Variants in GRM4 observed in about 807,000 individuals in gnomAD.
GRM4 encodes the protein glutamate metabotropic receptor 4.
Under a neutral mutation model 81.7 loss-of-function variants are expected in GRM4, and 28 were observed. That is an observed-to-expected ratio of 0.34 (90% confidence interval 0.25 to 0.47). The LOEUF is 0.47. Among genes scored for constraint, GRM4 ranks in the 20% least tolerant of loss-of-function variants. The probability of loss-of-function intolerance (pLI) is 1.00; values close to 1 mark genes in which losing one functional copy is unlikely to be tolerated. For missense variants in GRM4, 948 were observed against 1,290.0 expected, an observed-to-expected ratio of 0.73 and a Z score of 4.06; for synonymous variants, 488 against 528.8, an observed-to-expected ratio of 0.92 and a Z score of 1.06.
rs1764610816 is a variant in GRM4 at position 34,034,882 on chromosome 6, A to C, written c.2442+786T>G. On this transcript the variant is annotated intron_variant, in intron 9 of 10. Coordinates refer to ENST00000538487, the MANE Select transcript of GRM4 (RefSeq NM_000841.4). The surrounding 1 kb of genome is among the most constrained non-coding windows in gnomAD (Gnocchi z 4.0). ...TCCAGATAACACCCCCGAGTCACCC[A>C]GCCAGCACCAGGACTGGGATGTGGG... Among the ~76,000 whole-genome samples, 1 of 152,130 alleles carries C rather than the reference A, an allele frequency of 6.6e-6. No individual in the cohort carries two copies. Among genetic ancestry groups the C allele is most frequent in the African/African-American group, 2.4e-5 (1 of 41,380 alleles).
At chr6:34,112,323 CT>C (rs1769417218) in intron 2 of GRM4, among the ~76,000 whole-genome samples, 1 of 152,226 alleles carries the variant, frequency 6.6e-6, no homozygotes, top group Non-Finnish European at 1.5e-5. Flanking sequence ...CCATGCTGGG[CT>C]GGCGGCCATG....
At chr6:34,155,210 T>C (rs1356246554) in exon 1 of GRM4, 2 of 1,535,612 alleles carry the variant, frequency 1.3e-6, no homozygotes, top group Admixed American at 2.0e-5. Flanking sequence ...GAGGGGCCTC[T>C]TGTGCGCACC....
chr6:34,102,246 T>TA, intron 2 of GRM4: 1 of 1,130,008 alleles, frequency 8.8e-7, no homozygotes, highest in Non-Finnish European at 1.3e-6. Flanking sequence ...CAAGTGCTAA[T>TA]AAAATGCCCT....
chr6:34,030,186 C>T (rs1428201738), intron 9 of GRM4, among the ~76,000 whole-genome samples: 2 of 152,218 alleles, frequency 1.3e-5, no homozygotes, highest in East Asian at 1.9e-4. Flanking sequence ...CGTAGAGTCT[C>T]GGGCTAATGG....
intron 2 of GRM4, among the ~76,000 whole-genome samples, chr6:34,125,661 G>A (rs376719449): frequency 3.9e-5 from 6 of 152,192 alleles, no homozygotes; most frequent in Admixed American, 6.5e-5. Flanking sequence ...CAGTAGCCAC[G>A]GGGGCTCTGA....
At chr6:34,027,808 G>A (rs914040309) in intron 10 of GRM4, among the ~76,000 whole-genome samples, 13 of 152,228 alleles carry the variant, frequency 8.5e-5, no homozygotes, top group Admixed American at 5.2e-4. Flanking sequence ...GGCGCCCCCT[G>A]GTGGCCTGCC....
Position 34,040,619 on chromosome 6 carries a change from C to A in GRM4, c.1298G>T (p.Gly433Val). The change falls in exon 7 of 11, where the codon GGG (glycine) becomes GTG (valine). Residue 433 changes from glycine to valine, a missense_variant. Transcript: ENST00000538487. ...MHRDLCPGRV[G>V]LCPRMDPVDG... ...TACAGGGTCCATGCGCGGGCAGAGC[C>A]CCACGCGGCCGGGACACAGGTCACG... is the stretch of plus-strand genomic sequence containing the variant. 6.2e-7 allele frequency: 1 copy of A among 1,614,142 alleles called. No individual in the cohort carries two copies. The highest frequency in any genetic ancestry group is 1.7e-5 in the Admixed American group (1 of 60,018).
At chr6:34,040,371 T>G (rs1764945086) in intron 7 of GRM4, 57 bp from the exon 8 acceptor site, 1 of 1,590,120 alleles carries the variant, frequency 6.3e-7, no homozygotes, top group Non-Finnish European at 8.6e-7. Context: ...GGGCGGATGA[T>G]GAGCCTGGGG....
intron 6 of GRM4, among the ~76,000 whole-genome samples, chr6:34,046,882 C>G (rs1011189050): frequency 6.6e-6 from 1 of 152,162 alleles, no homozygotes; most frequent in Non-Finnish European, 1.5e-5. Flanking sequence ...CACAAATATA[C>G]ACCTACACCC....
At position 34,121,590 on chromosome 6, in the gene GRM4, G is replaced by A. The variant is rs1331498022; in HGVS notation, c.519+11388C>T. Among the ~76,000 whole-genome samples, 1 of 152,168 alleles carries A rather than the reference G, an allele frequency of 6.6e-6. No individual in the cohort carries two copies. The highest frequency in any genetic ancestry group is 1.5e-5 in the Non-Finnish European group (1 of 68,032). ...TCCCTCTTCGCCCTGGAGGTGGCTGGAGACCAGGAGCAGGCAGCACCTTCG... is the reference window on the plus strand; with the variant it reads ...TCCCTCTTCGCCCTGGAGGTGGCTGAAGACCAGGAGCAGGCAGCACCTTCG... On this transcript the variant is annotated intron_variant, in intron 2 of 10. Coordinates refer to ENST00000538487, the MANE Select transcript of GRM4 (RefSeq NM_000841.4). The surrounding 1 kb of genome is among the most constrained non-coding windows in gnomAD (Gnocchi z 4.6).
chr6:34,103,515 C>T lies in GRM4; in HGVS notation c.520-11416G>A, dbSNP rs1033218982. The T allele has an allele frequency of 9.3e-6, 12 of 1,296,814 alleles. No homozygotes were observed. In the East Asian group the frequency reaches 1.3e-4, roughly 14 times the overall value. The allele number at this position is 1,296,814 out of a possible 1,614,324, so 80.3% of individuals were successfully genotyped here. ...GGGGCGGCGGGCGAGGGAGAGCAAACGCGATCCTCAAATCAGCACTTGTCC... is the reference window on the plus strand; with the variant it reads ...GGGGCGGCGGGCGAGGGAGAGCAAATGCGATCCTCAAATCAGCACTTGTCC... On this transcript the variant is annotated intron_variant, in intron 2 of 10. Coordinates refer to ENST00000538487, the MANE Select transcript of GRM4 (RefSeq NM_000841.4).
intron 5 of GRM4, among the ~76,000 whole-genome samples, chr6:34,057,115 C>CCAGG (rs1765936654): frequency 6.6e-6 from 1 of 152,168 alleles, no homozygotes; most frequent in Non-Finnish European, 1.5e-5. Context: ...CACAGCAAGA[C>CCAGG]CAGGACCTGG....
intron 2 of GRM4, 28 bp downstream of exon 2, chr6:34,132,950 A>C: frequency 6.5e-7 from 1 of 1,547,994 alleles, no homozygotes; most frequent in Non-Finnish European, 8.8e-7. Flanking sequence ...GGGGAAGAGC[A>C]CCTCAGGGGA....
intron 3 of GRM4, among the ~76,000 whole-genome samples, chr6:34,084,519 G>A (rs1399684621): frequency 6.6e-6 from 1 of 152,124 alleles, no homozygotes; most frequent in Non-Finnish European, 1.5e-5. Context: ...GGGAGGAGGG[G>A]CCTTGGCTCT....
chr6:34,107,336 T>C (rs1769175453), intron 2 of GRM4, among the ~76,000 whole-genome samples: 1 of 152,042 alleles, frequency 6.6e-6, no homozygotes, highest in Non-Finnish European at 1.5e-5. Flanking sequence ...GATGGACACA[T>C]TCAGAATATA....
chr6:34,116,610 C>T (rs1314344458), intron 2 of GRM4, among the ~76,000 whole-genome samples: 2 of 152,146 alleles, frequency 1.3e-5, no homozygotes, highest in Non-Finnish European at 2.9e-5. Context: ...ATTGGCAGCA[C>T]CTCCTAAAGC....
chr6:34,030,301 C>A (rs1283987413), intron 9 of GRM4, among the ~76,000 whole-genome samples: 1 of 152,242 alleles, frequency 6.6e-6, no homozygotes, highest in African/African-American at 2.4e-5. Context: ...AGGGCTGGCT[C>A]TCCTCTCACA....
intron 2 of GRM4, chr6:34,100,079 T>G: frequency 1.0e-6 from 1 of 981,588 alleles, no homozygotes; most frequent in Non-Finnish European, 1.2e-6. Context: ...CCTGAGCATC[T>G]GGTCACTCTG....
In GRM4 at chr6:34,039,894, C is replaced by G. The variant is rs1461085413; in HGVS notation, c.1506+284G>C. Among the ~76,000 whole-genome samples, 3 of 150,240 alleles carry G rather than the reference C, an allele frequency of 2.0e-5. No individual in the cohort carries two copies. The East Asian group carries it at 6.1e-4, about 31-fold the overall frequency. ...TGGTGTGAATTCTTCTATCCAGAGT[C>G]CCCCCATCCCCTCCTCAGTGGGTAG... On this transcript the variant is annotated intron_variant, in intron 8 of 10. Transcript: ENST00000538487.
Sources: allele counts gnomAD v4.1 joint callset (sites outside exome capture counted in the v4.1 genomes callset), GRCh38; gene constraint gnomAD v4.1.1; non-coding constraint Gnocchi (gnomAD v3.1); transcripts MANE v1.5; gene names NCBI Gene and HGNC (gene_info 2026-07-23, HGNC 2026-07-21).